MR1: variants seen among roughly 807,000 people sequenced by gnomAD.
MR1 encodes the protein major histocompatibility complex class I-related protein 1.
MR1 carries 44 observed loss-of-function variants against 37.8 expected under a neutral mutation model. The ratio of observed to expected loss-of-function variants is 1.16; its 90% CI spans 0.91 to 1.50. The LOEUF (loss-of-function observed/expected upper bound fraction) is 1.50, where lower values mean the gene tolerates loss of function less well. Ranked by LOEUF, MR1 falls within the 40% of genes most tolerant of loss-of-function variation. The pLI is 0.00. For synonymous variants in MR1, 153 were observed against 155.8 expected, an observed-to-expected ratio of 0.98 and a Z score of 0.13; for missense variants, 386 against 419.1, an observed-to-expected ratio of 0.92 and a Z score of 0.69.
chr1:181,053,517 G>A (rs1658437932), intron 4 of MR1, 56 bp from the exon 5 acceptor site: 1 of 1,373,488 alleles, frequency 7.3e-7, no homozygotes, highest in East Asian at 2.3e-5. Context: ...GTCCCAGAAA[G>A]TTAACACAGA....
chr1:181,057,959 G>C lies in MR1; in HGVS notation c.*2694G>C, dbSNP rs1045170046. 6.6e-6 allele frequency: 1 copy of C among 152,274 alleles called. No homozygotes were observed. The highest frequency in any genetic ancestry group is 1.5e-5 in the Non-Finnish European group (1 of 68,076). 9.4% of individuals were successfully genotyped at this position (152,274 alleles called of 1,614,324 possible). ...CGGGAGGCAGAGGTTGTGGTGAGCC[G>C]AGATCGCGCCATCGCACTCTAGCCT... On this transcript the variant is annotated 3_prime_UTR_variant, in exon 6 of 6. Coordinates refer to ENST00000367580, the MANE Select transcript of MR1 (RefSeq NM_001385161.1).
rs149812338 is a variant in MR1, at chr1:181,052,004, C to G, written c.605-231C>G. ...CAGTCAAAGCTGTATGACTTTCCCC[C>G]CTTAGAGGATGGAGCATGGGCCAAC... On this transcript the variant is annotated intron_variant, in intron 3 of 5. Transcript: ENST00000367580. Among the ~76,000 whole-genome samples the G allele has an allele frequency of 2.9e-3, 437 of 152,322 alleles. 2 individuals carry two copies. The highest frequency in any genetic ancestry group is 0.01 in the African/African-American group (418 of 41,564).
At chr1:181,048,948 G>A (rs1190092317) in intron 1 of MR1, 104 bp from the exon 2 acceptor site, 12 of 1,441,574 alleles carry the variant, frequency 8.3e-6, no homozygotes, top group Non-Finnish European at 1.1e-5. Flanking sequence ...TGGAGGCCTG[G>A]GTACAGCTGA....
intron 1 of MR1, among the ~76,000 whole-genome samples, chr1:181,047,761 A>G (rs1269204266): frequency 6.7e-6 from 1 of 150,116 alleles, no homozygotes; most frequent in Non-Finnish European, 1.5e-5. Context: ...TTAGCTGGGC[A>G]TGGTGGCACG....
rs192391613 is a variant in MR1 at position 181,055,155 on chromosome 1, A to G, written c.986-70A>G. On this transcript the variant is annotated intron_variant, in intron 5 of 5. Transcript: ENST00000367580. The stretch of plus-strand genomic sequence containing the variant: ...GCCTGTTTCTCAGATTTTGCTGAAC[A>G]CTGCATACTTTATTTTTGAGCTGTG... 3.2e-5 allele frequency: 47 copies of G among 1,453,160 alleles called. No individual in the cohort carries two copies. In the East Asian group the frequency reaches 8.4e-4, roughly 26 times the overall value. 90.0% of individuals were successfully genotyped at this position (1,453,160 alleles called of 1,614,324 possible).
chr1:181,046,813 C>G (rs1048807765), intron 1 of MR1, among the ~76,000 whole-genome samples: 2 of 151,900 alleles, frequency 1.3e-5, no homozygotes, highest in African/African-American at 4.8e-5. Flanking sequence ...GCCAGCGAGA[C>G]CACGAGCCCA....
chr1:181,049,541 C>CTTT lies in MR1; in HGVS notation c.328+230_328+231insTTT. Reference sequence around the variant, plus strand: ...ATTTGCCCCACCCACTCTTCCCCATCTCTGTATCCGTATCTGCATCCCATT... The same window carrying CTTT: ...ATTTGCCCCACCCACTCTTCCCCATCTTTTCTGTATCCGTATCTGCATCCCATT... On this transcript the variant is annotated intron_variant, in intron 2 of 5. Transcript: ENST00000367580. 6.8e-6 allele frequency: 4 copies of CTTT among 590,868 alleles called. No individual in the cohort carries two copies. In the East Asian group the frequency reaches 1.1e-4, roughly 17 times the overall value. The allele number at this position is 590,868 out of a possible 1,614,324, so 36.6% of individuals were successfully genotyped here.
intron 3 of MR1, among the ~76,000 whole-genome samples, chr1:181,051,787 A>G (rs1658334838): frequency 6.6e-6 from 1 of 152,240 alleles, no homozygotes; most frequent in Admixed American, 6.5e-5. Context: ...ATTCGGAGCC[A>G]AAACTGAGTG....
chr1:181,051,552 A>G (rs902366244), intron 3 of MR1, among the ~76,000 whole-genome samples: 16 of 152,174 alleles, frequency 1.1e-4, no homozygotes, highest in African/African-American at 3.9e-4. Context: ...TGGTCTCGGT[A>G]TGGCTGTTTG....
intron 1 of MR1, among the ~76,000 whole-genome samples, chr1:181,040,622 A>G (rs1345661208): frequency 6.6e-6 from 1 of 152,200 alleles, no homozygotes; most frequent in Non-Finnish European, 1.5e-5. Flanking sequence ...GATGTCCTGG[A>G]GCAGAGCCAC....
In MR1 at chr1:181,055,362, AC is replaced by A. The variant is rs1389576528; in HGVS notation, c.*100del. 5 of 1,069,866 alleles carry A rather than the reference AC, an allele frequency of 4.7e-6. No individual in the cohort carries two copies. Among genetic ancestry groups the A allele is most frequent in the Non-Finnish European group, 7.2e-6 (5 of 696,914 alleles). The allele number at this position is 1,069,866 out of a possible 1,614,324, so 66.3% of individuals were successfully genotyped here. A position where few individuals can be genotyped will look rare whatever the true frequency, so the allele number is the denominator to read the frequency against. ...CCTAGTGCTTGAAGGTCCTGACGACACCCACAACATACATGAGAGTAATGGG... is the reference window on the plus strand; with the variant it reads ...CCTAGTGCTTGAAGGTCCTGACGACACCACAACATACATGAGAGTAATGGG... On this transcript the variant is annotated 3_prime_UTR_variant, in exon 6 of 6. Coordinates refer to ENST00000367580, the MANE Select transcript of MR1 (RefSeq NM_001385161.1).
intron 5 of MR1, 91 bp from the exon 6 acceptor site, chr1:181,055,134 G>C (rs1213651870): frequency 1.7e-6 from 2 of 1,206,852 alleles, no homozygotes; most frequent in Non-Finnish European, 2.4e-6. Context: ...GTCGATGCCT[G>C]TTTCTCAGAT....
rs1571409816 is a variant in MR1 at position 181,059,535 on chromosome 1, C to T, written c.*4270C>T. 6.6e-6 allele frequency: 1 copy of T among 152,318 alleles called. No homozygotes were observed. The highest frequency in any genetic ancestry group is 1.5e-5 in the Non-Finnish European group (1 of 68,166). The allele number at this position is 152,318 out of a possible 1,614,324, so 9.4% of individuals were successfully genotyped here. ...AGTGGTGGCTGGAACAGAAATGGGGCAGCCAGGGGTGGTGGCCAGGCATCA... is the reference window on the plus strand; with the variant it reads ...AGTGGTGGCTGGAACAGAAATGGGGTAGCCAGGGGTGGTGGCCAGGCATCA... On this transcript the variant is annotated 3_prime_UTR_variant, in exon 6 of 6. Coordinates refer to ENST00000367580, the MANE Select transcript of MR1 (RefSeq NM_001385161.1).
chr1:181,059,195 A>G lies in MR1; in HGVS notation c.*3930A>G, dbSNP rs1374259308. 2 of 151,950 alleles carry G rather than the reference A, an allele frequency of 1.3e-5. No individual in the cohort carries two copies. Among genetic ancestry groups the G allele is most frequent in the Admixed American group, 6.6e-5 (1 of 15,260 alleles). 9.4% of individuals were successfully genotyped at this position (151,950 alleles called of 1,614,324 possible). ...TTTTTTTCCCCAATAGCTTCAGGAC[A>G]TTCAGTACATTGTGCTTTTTAGAGG... On this transcript the variant is annotated 3_prime_UTR_variant, in exon 6 of 6. Transcript: ENST00000367580.
In MR1 at chr1:181,050,099, G is replaced by T; in HGVS notation, c.417G>T (p.Gln139His). ...TGFLQYAYDG[Q>H]DFLIFNKDTL... ...TTCTGCAGTATGCATATGACGGGCA[G>T]GATTTCCTGATCTTCAATAAAGACA... Residue 139 changes from glutamine to histidine, a missense_variant, in exon 3 of 6, where the codon CAG becomes CAT. Physicochemically the swap from Gln to His is conservative, Grantham distance 24. Transcript: ENST00000367580. 1.2e-6 allele frequency: 2 copies of T among 1,614,194 alleles called. No individual in the cohort carries two copies. Among genetic ancestry groups the T allele is most frequent in the Non-Finnish European group, 1.7e-6 (2 of 1,180,042 alleles).
rs377640897 is a variant in MR1, at chr1:181,053,593, G to A, written c.901G>A (p.Val301Met). 2 of 1,613,822 alleles carry A rather than the reference G, an allele frequency of 1.2e-6. No individual in the cohort carries two copies. The highest frequency in any genetic ancestry group is 1.7e-6 in the Non-Finnish European group (2 of 1,179,754). ...TTCAGAATCAGAAACTATCCCTCTTGTGATGAAAGCTGTCTCTGGGTCCAT... is the reference window on the plus strand; with the variant it reads ...TTCAGAATCAGAAACTATCCCTCTTATGATGAAAGCTGTCTCTGGGTCCAT... ...VPQESETIPL[V>M]MKAVSGSIVL... Residue 301 changes from valine (V) to methionine (M), a missense_variant, in exon 5 of 6, where the codon GTG (valine) becomes ATG (methionine). Transcript: ENST00000367580.
At chr1:181,041,606 G>A (rs1033732425) in intron 1 of MR1, among the ~76,000 whole-genome samples, 1 of 152,058 alleles carries the variant, frequency 6.6e-6, no homozygotes, top group Non-Finnish European at 1.5e-5. Context: ...AGGCCTTTGT[G>A]CTGCTCCTGG....
rs751459937 is a variant in MR1, at chr1:181,049,088, C to T, written c.104C>T (p.Ser35Leu). The T allele has an allele frequency of 3.2e-5, 52 of 1,614,044 alleles. No homozygotes were observed. The highest frequency in any genetic ancestry group is 5.5e-5 in the South Asian group (5 of 91,076). ...CTGAGATATTTTCGCCTGGGCGTTT[C>T]GGATCCCATCCATGGGGTCCCTGAA... ...HSLRYFRLGV[S>L]DPIHGVPEFI... The change falls in exon 2 of 6, where the codon TCG (serine) becomes TTG (leucine). Residue 35 changes from serine to leucine, a missense_variant. Coordinates refer to ENST00000367580, the MANE Select transcript of MR1 (RefSeq NM_001385161.1).
At chr1:181,047,189 A>G (rs906718896) in intron 1 of MR1, among the ~76,000 whole-genome samples, 3 of 152,128 alleles carry the variant, frequency 2.0e-5, no homozygotes, top group Admixed American at 6.6e-5. Flanking sequence ...GTTTTGTTTC[A>G]TTTTGGTTTA....
Sources: gnomAD v4.1 joint callset for allele counts (sites outside exome capture counted in the v4.1 genomes callset) on GRCh38, gnomAD v4.1.1 for gene constraint, MANE v1.5 for transcripts, NCBI Gene and HGNC (gene_info 2026-07-23, HGNC 2026-07-21) for gene names.